The following UGGT1 variants were observed in gnomAD, a reference collection of about 807,000 sequenced individuals.
UGGT1 encodes UDP-glucose:glycoprotein glucosyltransferase 1.
Under a neutral mutation model 203.9 loss-of-function variants are expected in UGGT1, and 107 were observed. That is an observed-to-expected ratio of 0.52 (90% CI 0.45 to 0.62). The LOEUF (loss-of-function observed/expected upper bound fraction) is 0.62. UGGT1 is among the 20% of genes least tolerant of loss of function. The pLI, the probability that UGGT1 is intolerant of heterozygous loss-of-function variation, is 0.00. For missense variants in UGGT1, 1,673 were observed against 1,867.2 expected (o/e 0.90, Z 1.92); for synonymous variants, 628 against 653.5 (o/e 0.96, Z 0.59).
At chr2:128,183,525 A>G in intron 37 of UGGT1, 150 bp from the exon 38 acceptor site, 1 of 584,242 alleles carries the variant, frequency 1.7e-6, no homozygotes, top group Non-Finnish European at 3.1e-6. Context: ...TCTTTAAAGT[A>G]GCACACTTTA....
At chr2:128,176,407 C>CA (rs757833629) in intron 31 of UGGT1, among the ~76,000 whole-genome samples, 18,270 of 69,498 alleles carry the variant, frequency 0.26, 2,049 homozygotes, top group African/African-American at 0.32. Context: ...AACTCTGTCT[C>CA]AAAAAAAAAA....
intron 1 of UGGT1, among the ~76,000 whole-genome samples, chr2:128,094,296 TTC>T (rs1687006251): frequency 6.6e-6 from 1 of 152,222 alleles, no homozygotes; most frequent in African/African-American, 2.4e-5. Flanking sequence ...GGAGAATTTT[TTC>T]TCTCAGCCAC....
intron 14 of UGGT1, among the ~76,000 whole-genome samples, chr2:128,134,303 T>TG (rs759129852): frequency 2.6e-5 from 4 of 152,230 alleles, no homozygotes; most frequent in African/African-American, 4.8e-5. Flanking sequence ...CCCAAAGTGC[T>TG]GGGATTACAG....
chr2:128,142,146 G>T (rs1689460363), intron 16 of UGGT1, among the ~76,000 whole-genome samples: 1 of 151,818 alleles, frequency 6.6e-6, no homozygotes, highest in African/African-American at 2.4e-5. Context: ...ATGTTGGCCA[G>T]GCTGTTCTCG....
rs112641050 is a variant in UGGT1, at chr2:128,141,050, G to A, written c.1720-2044G>A. Among the ~76,000 whole-genome samples the A allele has an allele frequency of 3.0e-3, 452 of 152,042 alleles. 3 individuals carry two copies. Among genetic ancestry groups the A allele is most frequent in the Non-Finnish European group, 4.9e-3 (330 of 67,982 alleles). On this transcript the variant is annotated intron_variant, in intron 16 of 40. Transcript: ENST00000259253. ...ACTGTAAAAACACTTGAGGCCAGGC[G>A]CAGTGGCTCACACCTATAATTCCAG...
Position 128,104,095 on chromosome 2 carries a change from G to T in UGGT1, c.277+81G>T, listed in dbSNP as rs944178052. The T allele has an allele frequency of 3.1e-5, 33 of 1,057,640 alleles. No individual in the cohort carries two copies. In the African/African-American group the frequency reaches 5.1e-4, roughly 16 times the overall value. The allele number at this position is 1,057,640 out of a possible 1,614,324, so 65.5% of individuals were successfully genotyped here. On this transcript the variant is annotated intron_variant, in intron 3 of 40. Transcript: ENST00000259253. ...AAATTGTCTCTTTATAGTATGTGTGGCATGGCAGTTAATGGAAAACATTGT... is the reference window on the plus strand; with the variant it reads ...AAATTGTCTCTTTATAGTATGTGTGTCATGGCAGTTAATGGAAAACATTGT...
chr2:128,116,463 T>C, intron 8 of UGGT1, 120 bp downstream of exon 8: 1 of 642,730 alleles, frequency 1.6e-6, no homozygotes, highest in South Asian at 2.0e-5. Flanking sequence ...CTAACAGTAC[T>C]TTATGTATGC....
At chr2:128,159,484 T>C in intron 22 of UGGT1, 30 bp from the exon 23 acceptor site, 1 of 1,589,754 alleles carries the variant, frequency 6.3e-7, no homozygotes, top group East Asian at 2.2e-5. Context: ...ATATCTACAA[T>C]ATGACTCCCG....
chr2:128,158,316 C>T (rs1690345429), intron 22 of UGGT1, among the ~76,000 whole-genome samples: 1 of 152,206 alleles, frequency 6.6e-6, no homozygotes, highest in African/African-American at 2.4e-5. Flanking sequence ...GTGACCACCA[C>T]TCAGGTCAAA....
chr2:128,163,993 G>A (rs947700655), intron 25 of UGGT1, among the ~76,000 whole-genome samples: 3 of 152,072 alleles, frequency 2.0e-5, no homozygotes, highest in Admixed American at 6.5e-5. Flanking sequence ...AGCCTGGCCT[G>A]TACTAAAACC....
At chr2:128,144,981 G>A (rs1419626201) in intron 17 of UGGT1, among the ~76,000 whole-genome samples, 1 of 152,192 alleles carries the variant, frequency 6.6e-6, no homozygotes, top group African/African-American at 2.4e-5. Context: ...TATGTTGACA[G>A]TCAGGAAAAA....
At chr2:128,120,261 G>T in intron 8 of UGGT1, 95 bp from the exon 9 acceptor site, 1 of 1,163,186 alleles carries the variant, frequency 8.6e-7, no homozygotes, top group Non-Finnish European at 1.2e-6. Flanking sequence ...CTAGGGTTGG[G>T]AGAGGAAAAC....
At chr2:128,117,191 G>C (rs531588112) in intron 8 of UGGT1, among the ~76,000 whole-genome samples, 1 of 152,238 alleles carries the variant, frequency 6.6e-6, no homozygotes, top group South Asian at 2.1e-4. Flanking sequence ...CTGGGTTCAA[G>C]TGATTCTCCT....
At chr2:128,123,644 C>A in intron 11 of UGGT1, among the ~76,000 whole-genome samples, 1 of 152,202 alleles carries the variant, frequency 6.6e-6, no homozygotes, top group East Asian at 1.9e-4. Context: ...CTGCCTCCCC[C>A]TCAGTGTCCC....
rs144463532 is a variant in UGGT1, at chr2:128,142,018, A to G, written c.1720-1076A>G. On this transcript the variant is annotated intron_variant, in intron 16 of 40. Coordinates refer to ENST00000259253, the MANE Select transcript of UGGT1 (RefSeq NM_020120.4). ...GTGCAGTTGTGTGATCTTGGCCCAC[A>G]GCAACCTCTGCCTCCTGGGTTTAAG... Among the ~76,000 whole-genome samples, 5 of 151,902 alleles carry G rather than the reference A, an allele frequency of 3.3e-5. No individual in the cohort carries two copies. The East Asian group carries it at 5.9e-4, about 18-fold the overall frequency.
At chr2:128,126,034 C>T (rs1688582900) in intron 11 of UGGT1, among the ~76,000 whole-genome samples, 1 of 151,562 alleles carries the variant, frequency 6.6e-6, no homozygotes, top group African/African-American at 2.4e-5. Flanking sequence ...CCTTCGCCTC[C>T]CGGTTCAAGT....
chr2:128,140,830 A>G (rs1314629815), intron 16 of UGGT1, among the ~76,000 whole-genome samples: 1 of 152,064 alleles, frequency 6.6e-6, no homozygotes, highest in African/African-American at 2.4e-5. Flanking sequence ...GGCATGCATC[A>G]CCATACCCAG....
At chr2:128,145,709 G>T in intron 17 of UGGT1, 94 bp from the exon 18 acceptor site, 1 of 1,089,042 alleles carries the variant, frequency 9.2e-7, no homozygotes, top group South Asian at 2.8e-5. Flanking sequence ...TCTATTGATT[G>T]TTGTTAGAAC....
intron 16 of UGGT1, among the ~76,000 whole-genome samples, chr2:128,141,256 C>T (rs192330065): frequency 7.3e-5 from 11 of 151,212 alleles, no homozygotes; most frequent in African/African-American, 2.7e-4. Context: ...GTCAGGAATT[C>T]GAGACCAGCC....
Sources: allele counts gnomAD v4.1 joint callset (sites outside exome capture counted in the v4.1 genomes callset), GRCh38; gene constraint gnomAD v4.1.1; transcripts MANE v1.5; gene names NCBI Gene and HGNC (gene_info 2026-07-23, HGNC 2026-07-21).